FRMD4B: variants seen among roughly 807,000 people sequenced by gnomAD.
FRMD4B encodes the protein FERM domain containing 4B.
Under a neutral mutation model 141.5 loss-of-function variants are expected in FRMD4B, and 74 were observed. The ratio of observed to expected loss-of-function variants is 0.52; its 90% CI spans 0.43 to 0.63. The LOEUF is 0.63. FRMD4B is among the 30% of genes least tolerant of loss of function. FRMD4B has a pLI of 0.00. For missense variants in FRMD4B, 1,366 were observed against 1,253.4 expected, an observed-to-expected ratio of 1.09 and a Z score of -1.36; for synonymous variants, 506 against 467.9, an observed-to-expected ratio of 1.08 and a Z score of -1.05.
At chr3:69,257,200 C>T (rs2093498309) in intron 5 of FRMD4B, among the ~76,000 whole-genome samples, 1 of 152,194 alleles carries the variant, frequency 6.6e-6, no homozygotes, top group African/African-American at 2.4e-5. Context: ...AGCATAAGGG[C>T]TCATCCAGGT....
In FRMD4B at chr3:69,370,387, C is replaced by T. The variant is rs145979855; in HGVS notation, c.162+15441G>A. Among the ~76,000 whole-genome samples the T allele has an allele frequency of 9.0e-4, 137 of 152,314 alleles. 1 individual carries two copies. Among genetic ancestry groups the T allele is most frequent in the African/African-American group, 3.2e-3 (131 of 41,580 alleles). On this transcript the variant is annotated intron_variant, in intron 1 of 22. Coordinates refer to ENST00000398540, the MANE Select transcript of FRMD4B (RefSeq NM_015123.3). ...GAACTGCAGAAGCTGCCAAGGTCCC[C>T]GCCCTGGGCTGGGCACGGGTGGGTA...
At chr3:69,403,175 G>C (rs557899100) in intron 2 of FRMD4B, among the ~76,000 whole-genome samples, 1 of 152,022 alleles carries the variant, frequency 6.6e-6, no homozygotes, top group Non-Finnish European at 1.5e-5. Context: ...ACTTAGCAAG[G>C]GTTCAGGGGC....
intron 1 of FRMD4B, chr3:69,535,725 CG>C: frequency 2.5e-6 from 1 of 400,062 alleles, no homozygotes; most frequent in Non-Finnish European, 5.1e-6. Flanking sequence ...CAGCCTTTCA[CG>C]GGCACTTGGG....
intron 7 of FRMD4B, among the ~76,000 whole-genome samples, chr3:69,248,676 G>C (rs932779370): frequency 3.3e-5 from 5 of 152,228 alleles, no homozygotes; most frequent in African/African-American, 1.2e-4. Context: ...GGAGCAGGTA[G>C]AGGGTGAATT....
intron 2 of FRMD4B, among the ~76,000 whole-genome samples, chr3:69,402,380 T>C (rs1180379568): frequency 3.3e-5 from 5 of 152,220 alleles, no homozygotes; most frequent in Non-Finnish European, 1.5e-5. Context: ...TCAAGTATTG[T>C]GTGTGAGCTG....
At chr3:69,304,968 T>C (rs1334421576) in intron 3 of FRMD4B, among the ~76,000 whole-genome samples, 1 of 152,108 alleles carries the variant, frequency 6.6e-6, no homozygotes, top group Non-Finnish European at 1.5e-5. Context: ...AATAATAATA[T>C]GAGTAGTAGT....
rs190562264 is a variant in FRMD4B at position 69,406,817 on chromosome 3, T to G, written c.-1+25817A>C. 1.7e-3 allele frequency among the ~76,000 whole-genome samples: 265 copies of G among 152,212 alleles called. 4 individuals are homozygous for G. The highest frequency in any genetic ancestry group is 0.015 in the Admixed American group (225 of 15,284). On this transcript the variant is annotated intron_variant, in intron 2 of 5. Coordinates refer to the FRMD4B transcript ENST00000459638. ...GCTCAAACACAGCTCACCATAACCT[T>G]GAACTTCTGGCTTAAGCACTCCTCC...
At chr3:69,454,887 C>T (rs898858278) in intron 1 of FRMD4B, among the ~76,000 whole-genome samples, 2 of 152,250 alleles carry the variant, frequency 1.3e-5, no homozygotes, top group African/African-American at 4.8e-5. Flanking sequence ...GTCAGCTGGA[C>T]TCCTAAATCG....
chr3:69,179,178 C>T (rs551826420), intron 21 of FRMD4B, among the ~76,000 whole-genome samples: 1 of 152,132 alleles, frequency 6.6e-6, no homozygotes, highest in Admixed American at 6.5e-5. Context: ...GGGGCCACAT[C>T]TTGCTGGTGT....
chr3:69,313,498 C>A lies in FRMD4B; in HGVS notation c.182G>T (p.Cys61Phe). 1 of 1,569,498 alleles carries A rather than the reference C, an allele frequency of 6.4e-7. No individual in the cohort carries two copies. Residue 61 changes from cysteine (C) to phenylalanine (F), a missense_variant, in exon 2 of 23, where the codon TGC becomes TTC. Cys to Phe is a radical substitution (Grantham distance 205). Coordinates refer to ENST00000398540, the MANE Select transcript of FRMD4B (RefSeq NM_015123.3). ...DVYQMTEGRHCQVHLLDDRRL... is the reference protein window; with the variant it reads ...DVYQMTEGRHFQVHLLDDRRL... ...CCTATCATCCAGGAGGTGCACCTGG[C>A]AGTGCCTGCCTTCTGTCATCTGCAG...
intron 3 of FRMD4B, chr3:69,310,351 T>C (rs922965897): frequency 2.4e-6 from 1 of 409,254 alleles, no homozygotes; most frequent in Admixed American, 2.8e-5. Flanking sequence ...AATATTTAAA[T>C]TGGCAGCATT....
At chr3:69,469,559 C>T (rs1255442431) in intron 1 of FRMD4B, among the ~76,000 whole-genome samples, 1 of 152,114 alleles carries the variant, frequency 6.6e-6, no homozygotes, top group East Asian at 1.9e-4. Context: ...CATTGATTTT[C>T]CTTGATTTCA....
intron 1 of FRMD4B, among the ~76,000 whole-genome samples, chr3:69,483,897 C>T (rs992623526): frequency 3.9e-5 from 6 of 152,040 alleles, no homozygotes; most frequent in Non-Finnish European, 8.8e-5. Context: ...AATAATGAAA[C>T]CAGAACCCTG....
In FRMD4B at chr3:69,358,839, G is replaced by A. The variant is rs185227066; in HGVS notation, c.162+26989C>T. On this transcript the variant is annotated intron_variant, in intron 1 of 22. Coordinates refer to ENST00000398540, the MANE Select transcript of FRMD4B (RefSeq NM_015123.3). The stretch of plus-strand genomic sequence containing the variant: ...GAAGTAGATGAGTTATCATGGAGGT[G>A]GGCTTCTAATAAAAGATAAGTTCAG... Among the ~76,000 whole-genome samples the A allele has an allele frequency of 9.7e-4, 148 of 152,268 alleles. 1 individual carries two copies. The highest frequency in any genetic ancestry group is 3.3e-3 in the African/African-American group (139 of 41,544).
At chr3:69,263,040 C>T (rs1190696628) in intron 5 of FRMD4B, among the ~76,000 whole-genome samples, 2 of 152,092 alleles carry the variant, frequency 1.3e-5, no homozygotes, top group African/African-American at 2.4e-5. Flanking sequence ...GGGCAGATCA[C>T]CTGAGGTCGG....
rs2092787588 is a variant in FRMD4B, at chr3:69,187,880, A to T, written c.1809T>A (p.Ser603Arg). 5 of 1,604,204 alleles carry T rather than the reference A, an allele frequency of 3.1e-6. No homozygotes were observed. In the East Asian group the frequency reaches 1.1e-4, roughly 36 times the overall value. ...GAATTCTTGGAGAATGAGGTACTGA[A>T]CTTGATCGCTGCCCAGGAAAAGTGA... The part of the protein sequence containing the change: ...DAFTFPGQRS[S>R]SVPHSPRILP... Residue 603 changes from serine (S) to arginine (R), a missense_variant, in exon 19 of 23, where the codon AGT becomes AGA. Ser to Arg is a moderately radical substitution (Grantham distance 110). Coordinates refer to ENST00000398540, the MANE Select transcript of FRMD4B (RefSeq NM_015123.3).
At chr3:69,315,360 T>C (rs910592016) in intron 1 of FRMD4B, among the ~76,000 whole-genome samples, 4 of 152,108 alleles carry the variant, frequency 2.6e-5, no homozygotes, top group African/African-American at 7.2e-5. Context: ...TTTTCAGATA[T>C]ATATTTACAT....
chr3:69,285,766 C>T (rs1221558982), intron 5 of FRMD4B, among the ~76,000 whole-genome samples: 3 of 152,064 alleles, frequency 2.0e-5, no homozygotes, highest in Non-Finnish European at 4.4e-5. Context: ...ATTGCTTGAA[C>T]CTGGCAGGCA....
chr3:69,526,771 T>C (rs1700937117), intron 1 of FRMD4B, among the ~76,000 whole-genome samples: 1 of 152,118 alleles, frequency 6.6e-6, no homozygotes, highest in South Asian at 2.1e-4. Context: ...CCCTCCTGTC[T>C]CCATTTTACA....
Sources: gnomAD v4.1 joint callset for allele counts (sites outside exome capture counted in the v4.1 genomes callset) on GRCh38, gnomAD v4.1.1 for gene constraint, MANE v1.5 for transcripts, NCBI Gene and HGNC (gene_info 2026-07-23, HGNC 2026-07-21) for gene names.